TNK2: variants seen among roughly 807,000 people sequenced by gnomAD.
TNK2 encodes the protein activated CDC42 kinase 1.
TNK2 carries 83 observed loss-of-function variants against 101.8 expected under a neutral mutation model. The observed-to-expected ratio is 0.82, with a 90% CI of 0.68 to 0.98. The LOEUF (loss-of-function observed/expected upper bound fraction) is 0.98. TNK2 is among the 50% of genes least tolerant of loss of function. TNK2 has a pLI of 0.00. For missense variants in TNK2, 1,665 were observed against 1,483.2 expected (o/e 1.12, Z -2.01); for synonymous variants, 804 against 633.0 (o/e 1.27, Z -4.06).
At chr3:195,902,349 G>A (rs1761287773) in intron 1 of TNK2, among the ~76,000 whole-genome samples, 1 of 152,160 alleles carries the variant, frequency 6.6e-6, no homozygotes, top group Non-Finnish European at 1.5e-5. Context: ...CGGGCGCGGG[G>A]GCTCACGCCT....
rs775323358 is a variant in TNK2 at position 195,886,926 on chromosome 3, G to C, written c.234+51C>G. On this transcript the variant is annotated intron_variant, in intron 3 of 15. Coordinates refer to ENST00000672887, the MANE Select transcript of TNK2 (RefSeq NM_001382273.1). This position sits in a 1 kb window ranked among gnomAD's most constrained non-coding sequence, Gnocchi z 4.2. ...GGTTCCCAGGACCAGAAGCGGAGGG[G>C]GGCGTTCGAGGCTGCCCCCCTCCCA... 6.3e-7 allele frequency: 1 copy of C among 1,593,024 alleles called. No individual in the cohort carries two copies. Among genetic ancestry groups the C allele is most frequent in the Non-Finnish European group, 8.6e-7 (1 of 1,160,804 alleles).
chr3:195,870,439 A>G, intron 10 of TNK2: 1 of 1,362,790 alleles, frequency 7.3e-7, no homozygotes, highest in African/African-American at 1.5e-5. Flanking sequence ...GACCTCAGGG[A>G]CTCCAACTAC....
intron 4 of TNK2, 190 bp downstream of exon 4, chr3:195,884,622 C>A (rs917972418): frequency 3.3e-5 from 19 of 568,860 alleles, no homozygotes; most frequent in Non-Finnish European, 3.3e-5. Flanking sequence ...CCAGCCTGGG[C>A]GACAGAGCGA....
chr3:195,904,361 GA>G (rs112621440), intron 1 of TNK2, among the ~76,000 whole-genome samples: 2,171 of 151,308 alleles, frequency 0.014, 57 homozygotes, highest in African/African-American at 0.05. Flanking sequence ...TTAAAAAGAA[GA>G]AAATTCTGAC....
intron 1 of TNK2, among the ~76,000 whole-genome samples, chr3:195,901,732 C>T (rs893954228): frequency 6.6e-6 from 1 of 152,222 alleles, no homozygotes; most frequent in African/African-American, 2.4e-5. Context: ...GCCTTACTAC[C>T]CCAGATTATC....
At position 195,868,569 on chromosome 3, in the gene TNK2, G is replaced by A. The variant is rs1173782144; in HGVS notation, c.1729C>T (p.Arg577Ter). The part of the protein sequence containing the change: ...SARVPGTKAS[R>*]GSGAEVTLID... ...AGCGTGACCTCAGCCCCGCTGCCTC[G>A]GCTGGCCTTGGTGCCCGGCACCCGC... The change falls in exon 13 of 16, where the codon CGA (arginine) becomes TGA (stop). Residue 577 changes from arginine to a stop codon, truncating the protein, a stop_gained. Coordinates refer to ENST00000672887, the MANE Select transcript of TNK2 (RefSeq NM_001382273.1). LOFTEE classifies it high-confidence loss of function. 3 of 1,572,980 alleles carry A rather than the reference G, an allele frequency of 1.9e-6. No homozygotes were observed. The highest frequency in any genetic ancestry group is 1.8e-5 in the Admixed American group (1 of 55,502).
At position 195,867,514 on chromosome 3, in the gene TNK2, G is replaced by C. The variant is rs776793350; in HGVS notation, c.2784C>G (p.Pro928=). 6.4e-7 allele frequency: 1 copy of C among 1,556,524 alleles called. No individual in the cohort carries two copies. Among genetic ancestry groups the C allele is most frequent in the Non-Finnish European group, 8.6e-7 (1 of 1,159,474 alleles). ...TGGCCTTGGGGTCCAAGGCAGCCTGGGGCATCGGCCGCACGGTGGCCGTGG... is the reference window on the plus strand; with the variant it reads ...TGGCCTTGGGGTCCAAGGCAGCCTGCGGCATCGGCCGCACGGTGGCCGTGG... The part of the protein sequence containing the change: ...AAPTATVRPM[P]QAALDPKANF... The change falls in exon 13 of 16, where the codon CCC becomes CCG. Residue 928 remains proline, a synonymous_variant. Coordinates refer to ENST00000672887, the MANE Select transcript of TNK2 (RefSeq NM_001382273.1).
At chr3:195,887,887 CGCACGTGCATGCGTGTGT>C (rs59022470) in intron 2 of TNK2, among the ~76,000 whole-genome samples, 11,361 of 144,814 alleles carry the variant, frequency 0.078, 1,061 homozygotes, top group African/African-American at 0.25. Context: ...CGCGTGCGTA[CGCACGTGCATGCGTGTGT>C]GCACGTGCAT....
chr3:195,901,675 G>A (rs914730578), intron 1 of TNK2, among the ~76,000 whole-genome samples: 3 of 152,068 alleles, frequency 2.0e-5, no homozygotes, highest in Non-Finnish European at 4.4e-5. Context: ...GACACTATGC[G>A]CCAGCTCTTC....
At chr3:195,897,422 G>A (rs1760724496) in intron 1 of TNK2, among the ~76,000 whole-genome samples, 2 of 152,250 alleles carry the variant, frequency 1.3e-5, no homozygotes, top group Non-Finnish European at 1.5e-5. Context: ...CCTGGCAGCT[G>A]AGGTCCTGAG....
intron 9 of TNK2, among the ~76,000 whole-genome samples, chr3:195,874,144 G>A (rs535519455): frequency 1.2e-4 from 18 of 152,308 alleles, no homozygotes; most frequent in East Asian, 9.7e-4. Flanking sequence ...TGGCTGCCGC[G>A]GGCCAGACGC....
intron 12 of TNK2, 64 bp downstream of exon 12, chr3:195,869,433 A>T: frequency 7.8e-7 from 1 of 1,279,034 alleles, no homozygotes; most frequent in Non-Finnish European, 1.1e-6. Flanking sequence ...TGTACCTTCC[A>T]GGAGAGGAGT....
At chr3:195,906,467 C>T (rs1157443368) in intron 1 of TNK2, among the ~76,000 whole-genome samples, 1 of 152,122 alleles carries the variant, frequency 6.6e-6, no homozygotes, top group Admixed American at 6.6e-5. Flanking sequence ...CGCGCAACCA[C>T]CTGGACAAAC....
chr3:195,884,580 T>C (rs1577074704), intron 4 of TNK2: 2 of 458,426 alleles, frequency 4.4e-6, no homozygotes, highest in Non-Finnish European at 7.7e-6. Flanking sequence ...AAAGTGGAGG[T>C]TGCAGGAAGC....
rs151330438 is a variant in TNK2 at position 195,878,569 on chromosome 3, C to A, written c.1038G>T (p.Glu346Asp). 5.0e-6 allele frequency: 8 copies of A among 1,613,256 alleles called. No individual in the cohort carries two copies. The East Asian group carries it at 6.7e-5, about 13-fold the overall frequency. ...CCTCGGGCCGGGGCAGCCGCTCCCC[C>A]TCCTTGTCGATCTTATGCAGGATCT... Reference protein sequence around the residue: ...GSQILHKIDKEGERLPRPEDC... With the variant: ...GSQILHKIDKDGERLPRPEDC... The change falls in exon 8 of 16, where the codon GAG (glutamate) becomes GAT (aspartate). Residue 346 changes from glutamate (E) to aspartate (D), a missense_variant. Glu to Asp is a conservative substitution (Grantham distance 45). This residue lies in a region of TNK2 where 490 missense variants were observed against 522.5 expected (regional missense o/e 0.94). Coordinates refer to ENST00000672887, the MANE Select transcript of TNK2 (RefSeq NM_001382273.1). This position sits in a 1 kb window ranked among gnomAD's most constrained non-coding sequence, Gnocchi z 4.7.
At position 195,867,640 on chromosome 3, in the gene TNK2, G is replaced by A. The variant is rs1479383397; in HGVS notation, c.2658C>T (p.Arg886=). The change falls in exon 13 of 16, where the codon CGC becomes CGT. Residue 886 remains arginine, a synonymous_variant. Coordinates refer to ENST00000672887, the MANE Select transcript of TNK2 (RefSeq NM_001382273.1). The part of the protein sequence containing the change: ...LLPERPSYLE[R]YQRFLREAQS... ...GGGCCTCACGCAGGAAGCGCTGGTA[G>A]CGCTCCAGGTAGGATGGTCGCTCGG... 3 of 1,602,282 alleles carry A rather than the reference G, an allele frequency of 1.9e-6. No individual in the cohort carries two copies. Among genetic ancestry groups the A allele is most frequent in the Non-Finnish European group, 2.5e-6 (3 of 1,179,554 alleles).
Position 195,864,130 on chromosome 3 carries a change from A to T in TNK2, c.*51T>A. 2 of 1,613,180 alleles carry T rather than the reference A, an allele frequency of 1.2e-6. No homozygotes were observed. The highest frequency in any genetic ancestry group is 1.7e-6 in the Non-Finnish European group (2 of 1,179,504). On this transcript the variant is annotated 3_prime_UTR_variant, in exon 16 of 16. Transcript: ENST00000672887. Reference sequence around the variant, plus strand: ...GCATCTCCCCACTCCTGGTGGACGGACAGGCTCAGGTGATTCCTTCAGGCA... The same window carrying T: ...GCATCTCCCCACTCCTGGTGGACGGTCAGGCTCAGGTGATTCCTTCAGGCA...
Position 195,883,220 on chromosome 3 carries a change from G to A in TNK2, c.546C>T (p.His182=), listed in dbSNP as rs771600942. The A allele has an allele frequency of 3.7e-6, 6 of 1,611,672 alleles. No homozygotes were observed. In the South Asian group the frequency reaches 6.6e-5, roughly 18 times the overall value. ...GGATGAGGTTTCGGTGGTCGAGCGA[G>A]TGCATGGCATTGACCTCCCGGATGA... ...DDFIREVNAM[H]SLDHRNLIRL... Residue 182 remains histidine, a synonymous_variant, in exon 5 of 16, where the codon CAC becomes CAT. Coordinates refer to ENST00000672887, the MANE Select transcript of TNK2 (RefSeq NM_001382273.1).
At chr3:195,907,489 C>G (rs1210765513) in intron 1 of TNK2, among the ~76,000 whole-genome samples, 1 of 152,202 alleles carries the variant, frequency 6.6e-6, no homozygotes, top group East Asian at 1.9e-4. Context: ...CCTGGGCAAG[C>G]AGCAACCCTG....
Sources: allele counts gnomAD v4.1 joint callset (sites outside exome capture counted in the v4.1 genomes callset), GRCh38; gene constraint gnomAD v4.1.1; regional missense constraint gnomAD v4.1.1; non-coding constraint Gnocchi (gnomAD v3.1); transcripts MANE v1.5; gene names NCBI Gene and HGNC (gene_info 2026-07-23, HGNC 2026-07-21).